Variants in NR1D1 observed in about 807,000 individuals in gnomAD.
NR1D1 encodes the protein Rev-ErbAalpha.
NR1D1 carries 17 observed loss-of-function variants against 51.1 expected under a neutral mutation model. The ratio of observed to expected loss-of-function variants is 0.33; its 90% CI spans 0.23 to 0.50. The LOEUF (loss-of-function observed/expected upper bound fraction) is 0.50, where lower values mean the gene tolerates loss of function less well. Ranked by LOEUF, NR1D1 falls within the 20% of genes least tolerant of loss-of-function variation. The pLI is 0.98. For missense variants in NR1D1, 647 were observed against 830.4 expected, an observed-to-expected ratio of 0.78 and a Z score of 2.71; for synonymous variants, 341 against 333.4, an observed-to-expected ratio of 1.02 and a Z score of -0.25.
Position 40,093,176 on chromosome 17 carries a change from G to A in NR1D1, c.1752C>T (p.Arg584=), listed in dbSNP as rs1415190077. The A allele has an allele frequency of 1.9e-6, 3 of 1,613,864 alleles. No individual in the cohort carries two copies. Among genetic ancestry groups the A allele is most frequent in the Non-Finnish European group, 2.5e-6 (3 of 1,180,034 alleles). ...VLKNRPLETS[R]FTKLLLKLPD... Reference sequence around the variant, plus strand: ...GCAGCTTGAGCAGCAGCTTGGTGAAGCGGGAAGTCTCCAAGGGCCGGTTCT... The same window carrying A: ...GCAGCTTGAGCAGCAGCTTGGTGAAACGGGAAGTCTCCAAGGGCCGGTTCT... Residue 584 remains arginine (R), a synonymous_variant, in exon 8 of 8, where the codon CGC becomes CGT. Coordinates refer to ENST00000246672, the MANE Select transcript of NR1D1 (RefSeq NM_021724.5). The surrounding 1 kb of genome is among the most constrained non-coding windows in gnomAD (Gnocchi z 5.9).
rs199728227 is a variant in NR1D1, at chr17:40,093,205, G to C, written c.1723C>G (p.Leu575Val). 3 of 1,613,708 alleles carry C rather than the reference G, an allele frequency of 1.9e-6. No individual in the cohort carries two copies. The highest frequency in any genetic ancestry group is 2.7e-5 in the African/African-American group (2 of 74,916). Residue 575 changes from leucine (L) to valine (V), a missense_variant, in exon 8 of 8, where the codon CTG becomes GTG. Physicochemically the swap from Leu to Val is conservative, Grantham distance 32. This residue lies in a region of NR1D1 where 155 missense variants were observed against 236.8 expected (regional missense o/e 0.65). Transcript: ENST00000246672. This position sits in a 1 kb window ranked among gnomAD's most constrained non-coding sequence, Gnocchi z 5.9. Reference protein sequence around the residue: ...TLLRALRALVLKNRPLETSRF... With the variant: ...TLLRALRALVVKNRPLETSRF... ...GAAGTCTCCAAGGGCCGGTTCTTCAGCACCAGAGCCCGAAGAGCCCGCAGC... is the reference window on the plus strand; with the variant it reads ...GAAGTCTCCAAGGGCCGGTTCTTCACCACCAGAGCCCGAAGAGCCCGCAGC...
Position 40,097,147 on chromosome 17 carries a change from A to C in NR1D1, c.288T>G (p.Asn96Lys). ...CTTGTAGACTCCCAGGGGGGCTCCC[A>C]TTATAGAAGGAGGAGGAGGATGACG... is the stretch of plus-strand genomic sequence containing the variant. ...SSSSSSSSFY[N>K]GSPPGSLQVA... The change falls in exon 2 of 8, where the codon AAT becomes AAG. Residue 96 changes from asparagine to lysine, a missense_variant. By Grantham distance (94) the Asn-to-Lys change is moderately conservative. Coordinates refer to ENST00000246672, the MANE Select transcript of NR1D1 (RefSeq NM_021724.5). 1 of 1,611,606 alleles carries C rather than the reference A, an allele frequency of 6.2e-7. No individual in the cohort carries two copies. Among genetic ancestry groups the C allele is most frequent in the African/African-American group, 1.3e-5 (1 of 74,998 alleles).
chr17:40,094,217 T>A, intron 6 of NR1D1, 95 bp from the exon 7 acceptor site: 1 of 1,116,928 alleles, frequency 9.0e-7, no homozygotes, highest in Non-Finnish European at 1.4e-6. Flanking sequence ...CGGTGCTGCC[T>A]TCGATTTCTC....
At chr17:40,094,564 C>G (rs2145099438) in intron 6 of NR1D1, among the ~76,000 whole-genome samples, 1 of 152,300 alleles carries the variant, frequency 6.6e-6, no homozygotes, top group Non-Finnish European at 1.5e-5. Flanking sequence ...CCTGCCCACC[C>G]CAGACAGCAG....
Position 40,093,554 on chromosome 17 carries a change from T to A in NR1D1, c.1646-272A>T, listed in dbSNP as rs1987672877. ...CTCAGCAGGCCAAACATGGCCAGAC[T>A]CCCTTGCTTTTTGCTGTGTAGTTCC... On this transcript the variant is annotated intron_variant, in intron 7 of 7. Coordinates refer to ENST00000246672, the MANE Select transcript of NR1D1 (RefSeq NM_021724.5). The surrounding 1 kb of genome is among the most constrained non-coding windows in gnomAD (Gnocchi z 5.9). The A allele has an allele frequency of 1.8e-6, 2 of 1,084,604 alleles. No individual in the cohort carries two copies. Among genetic ancestry groups the A allele is most frequent in the Non-Finnish European group, 1.3e-6 (1 of 776,730 alleles). 67.2% of individuals were successfully genotyped at this position (1,084,604 alleles called of 1,614,324 possible). A position where few individuals can be genotyped will look rare whatever the true frequency, so the allele number is the denominator to read the frequency against.
rs899650646 is a variant in NR1D1 at position 40,096,463 on chromosome 17, G to A, written c.584C>T (p.Ser195Phe). 9 of 1,614,152 alleles carry A rather than the reference G, an allele frequency of 5.6e-6. No individual in the cohort carries two copies. Among genetic ancestry groups the A allele is most frequent in the Admixed American group, 3.3e-5 (2 of 60,018 alleles). Reference protein sequence around the residue: ...CQQCRFKKCLSVGMSRDAVRF... With the variant: ...CQQCRFKKCLFVGMSRDAVRF... ...CTCACCGTCTCGAGACATGCCCACA[G>A]AGAGACACTTCTTGAAGCGACATTG... is the stretch of plus-strand genomic sequence containing the variant. The change falls in exon 4 of 8, where the codon TCT (serine) becomes TTT (phenylalanine). Residue 195 changes from serine to phenylalanine, a missense_variant. By Grantham distance (155) the Ser-to-Phe change is radical (BLOSUM62 -2). This residue lies in a region of NR1D1 where 70 missense variants were observed against 134.8 expected (regional missense o/e 0.52). Transcript: ENST00000246672.
chr17:40,095,934 GAGGGGCCC>G lies in NR1D1; in HGVS notation c.750_757del (p.Met250IlefsTer30). ...TGAGGGGACCGGAGCAGGGGGTGGCGAGGGGCCCATGGGGCCTGGGGTGGGGTGCTGGG... is the reference window on the plus strand; with the variant it reads ...TGAGGGGACCGGAGCAGGGGGTGGCGATGGGGCCTGGGGTGGGGTGCTGGG... On this transcript the variant is annotated frameshift_variant, in exon 5 of 8. Transcript: ENST00000246672. LOFTEE classifies it high-confidence loss of function. 6.2e-7 allele frequency: 1 copy of G among 1,611,028 alleles called. No individual in the cohort carries two copies. Among genetic ancestry groups the G allele is most frequent in the South Asian group, 1.1e-5 (1 of 90,866 alleles).
At position 40,093,931 on chromosome 17, in the gene NR1D1, C is replaced by T. The variant is rs144291037; in HGVS notation, c.1626G>A (p.Ala542=). The T allele has an allele frequency of 1.9e-4, 309 of 1,613,418 alleles. No homozygotes were observed. Among genetic ancestry groups the T allele is most frequent in the Non-Finnish European group, 2.4e-4 (283 of 1,180,036 alleles). The stretch of plus-strand genomic sequence containing the variant: ...ACCTACCTGCAGAGACAAGCACCAC[C>T]GCGGTGAAGAGGCCCAGCTCCTCCT... The part of the protein sequence containing the change: ...LTEEELGLFT[A]VVLVSADRSG... The change falls in exon 7 of 8, where the codon GCG becomes GCA. Residue 542 remains alanine, a synonymous_variant. Coordinates refer to ENST00000246672, the MANE Select transcript of NR1D1 (RefSeq NM_021724.5). This position sits in a 1 kb window ranked among gnomAD's most constrained non-coding sequence, Gnocchi z 5.9.
chr17:40,097,427 G>T lies in NR1D1; in HGVS notation c.32-24C>A, dbSNP rs570600835. On this transcript the variant is annotated intron_variant, in intron 1 of 7. Transcript: ENST00000246672. The stretch of plus-strand genomic sequence containing the variant: ...ACCTGGAGAGAGAACAAAAGGAAAG[G>T]GGGTGTCAGCCGCCATGTCTCCGGA... The T allele has an allele frequency of 2.6e-6, 4 of 1,567,714 alleles. No homozygotes were observed. The South Asian group carries it at 4.6e-5, about 18-fold the overall frequency.
In NR1D1 at chr17:40,095,176, C is replaced by T. The variant is rs184153961; in HGVS notation, c.1249-56G>A. 3,163 of 1,541,576 alleles carry T rather than the reference C, an allele frequency of 2.1e-3. 73 individuals are homozygous for T. The highest frequency in any genetic ancestry group is 4.3e-4 in the Non-Finnish European group (487 of 1,131,052). On this transcript the variant is annotated intron_variant, in intron 5 of 7. Transcript: ENST00000246672. Reference sequence around the variant, plus strand: ...TGTCAGCCAGGCTGGGTCAGATGGACGCCCCGAGCAGAGCTGGACCCCAGA... The same window carrying T: ...TGTCAGCCAGGCTGGGTCAGATGGATGCCCCGAGCAGAGCTGGACCCCAGA...
chr17:40,094,089 C>G lies in NR1D1; in HGVS notation c.1468G>C (p.Val490Leu). ...AGGAACATCACTGTCTGGTCCTTCA[C>G]GTTGAACAACGAAGCAAAGCGCACC... is the stretch of plus-strand genomic sequence containing the variant. The part of the protein sequence containing the change: ...LMVRFASLFN[V>L]KDQTVMFLSR... The change falls in exon 7 of 8, where the codon GTG becomes CTG. Residue 490 changes from valine (V) to leucine (L), a missense_variant. Coordinates refer to ENST00000246672, the MANE Select transcript of NR1D1 (RefSeq NM_021724.5). 6.2e-7 allele frequency: 1 copy of G among 1,613,962 alleles called. No individual in the cohort carries two copies. Among genetic ancestry groups the G allele is most frequent in the African/African-American group, 1.3e-5 (1 of 75,034 alleles).
At chr17:40,099,454 C>G (rs960865105) in intron 1 of NR1D1, among the ~76,000 whole-genome samples, 11 of 152,294 alleles carry the variant, frequency 7.2e-5, no homozygotes, top group East Asian at 5.8e-4. Context: ...GGGCCCGGCT[C>G]TAGAGCCATG....
chr17:40,100,400 C>G lies in NR1D1; in HGVS notation c.-306G>C. ...AGGAGGGTCGGGTCTCTGCAGTGTA[C>G]GGGGTGCCTCTGCCTGCCGGCTCCG... is the stretch of plus-strand genomic sequence containing the variant. On this transcript the variant is annotated 5_prime_UTR_variant, in exon 1 of 8. Coordinates refer to ENST00000246672, the MANE Select transcript of NR1D1 (RefSeq NM_021724.5). 1 of 477,906 alleles carries G rather than the reference C, an allele frequency of 2.1e-6. No homozygotes were observed. Among genetic ancestry groups the G allele is most frequent in the Non-Finnish European group, 3.7e-6 (1 of 269,362 alleles). 29.6% of individuals were successfully genotyped at this position (477,906 alleles called of 1,614,324 possible). A position where few individuals can be genotyped will look rare whatever the true frequency, so the allele number is the denominator to read the frequency against.
chr17:40,094,529 C>T (rs4794826), intron 6 of NR1D1, among the ~76,000 whole-genome samples: 9,567 of 152,316 alleles, frequency 0.063, 442 homozygotes, highest in Non-Finnish European at 0.096. Flanking sequence ...GACAAAGATA[C>T]TGGGTTCCAA....
intron 6 of NR1D1, among the ~76,000 whole-genome samples, chr17:40,094,463 C>T (rs914377724): frequency 6.6e-6 from 1 of 152,204 alleles, no homozygotes; most frequent in Non-Finnish European, 1.5e-5. Context: ...GAAGTCCCAG[C>T]CATCAAGAGG....
Position 40,092,888 on chromosome 17 carries a change from A to T in NR1D1, c.*195T>A. 1 of 1,304,140 alleles carries T rather than the reference A, an allele frequency of 7.7e-7. No individual in the cohort carries two copies. The highest frequency in any genetic ancestry group is 1.0e-6 in the Non-Finnish European group (1 of 965,576). 80.8% of individuals were successfully genotyped at this position (1,304,140 alleles called of 1,614,324 possible). On this transcript the variant is annotated 3_prime_UTR_variant, in exon 8 of 8. Coordinates refer to ENST00000246672, the MANE Select transcript of NR1D1 (RefSeq NM_021724.5). ...GACAGAGTGGTTTAAATAGGGGAGG[A>T]GGGGAAGTTCGGTGATGGGGGAGGG...
Position 40,096,056 on chromosome 17 carries a change from C to T in NR1D1, c.636G>A (p.Glu212=). The change falls in exon 5 of 8, where the codon GAG becomes GAA. Residue 212 remains glutamate (E), a synonymous_variant. Coordinates refer to ENST00000246672, the MANE Select transcript of NR1D1 (RefSeq NM_021724.5). ...AVRFGRIPKR[E]KQRMLAEMQS... is the part of the protein sequence containing the mutation. ...GCATCTCAGCAAGCATCCGCTGCTT[C>T]TCTCGTTTGGGGATGCGCCCAAAAC... 6.2e-7 allele frequency: 1 copy of T among 1,612,818 alleles called. No individual in the cohort carries two copies. The highest frequency in any genetic ancestry group is 8.5e-7 in the Non-Finnish European group (1 of 1,180,000).
chr17:40,097,442 A>G (rs1987788399), intron 1 of NR1D1, 39 bp from the exon 2 acceptor site: 2 of 1,523,034 alleles, frequency 1.3e-6, no homozygotes, highest in Non-Finnish European at 1.8e-6. Context: ...GTCAGCCGCC[A>G]TGTCTCCGGA....
chr17:40,097,191 AAGG>A lies in NR1D1; in HGVS notation c.241_243del (p.Pro81del). On this transcript the variant is annotated inframe_deletion, in exon 2 of 8. Transcript: ENST00000246672. ...GATGACGACGAGGAAGATGAGGAAGAAGGGGAGCCGTCATCACTCAGGCTGGGT... is the reference window on the plus strand; with the variant it reads ...GATGACGACGAGGAAGATGAGGAAGAGGAGCCGTCATCACTCAGGCTGGGT... The A allele has an allele frequency of 6.2e-7, 1 of 1,611,928 alleles. No individual in the cohort carries two copies. Among genetic ancestry groups the A allele is most frequent in the Non-Finnish European group, 8.5e-7 (1 of 1,178,592 alleles).
Sources: allele counts gnomAD v4.1 joint callset (sites outside exome capture counted in the v4.1 genomes callset), GRCh38; gene constraint gnomAD v4.1.1; regional missense constraint gnomAD v4.1.1; non-coding constraint Gnocchi (gnomAD v3.1); transcripts MANE v1.5; gene names NCBI Gene and HGNC (gene_info 2026-07-23, HGNC 2026-07-21).